The following LHFPL3 variants were observed in gnomAD, a reference collection of about 807,000 sequenced individuals.
LHFPL3 encodes the protein LHFPL tetraspan subfamily member 3 protein.
A neutral mutation model predicts 19.3 loss-of-function variants in LHFPL3; 5 were observed. The observed-to-expected ratio is 0.26, with a 90% CI of 0.14 to 0.54. The LOEUF is 0.54. Ranked by LOEUF, LHFPL3 falls within the 20% of genes least tolerant of loss-of-function variation. LHFPL3 has a pLI of 0.94. For synonymous variants in LHFPL3, 133 were observed against 126.2 expected (o/e 1.05, Z -0.36); for missense variants, 249 against 307.4 (o/e 0.81, Z 1.42).
At chr7:104,457,611 G>A (rs1303608866) in intron 1 of LHFPL3, among the ~76,000 whole-genome samples, 12 of 147,718 alleles carry the variant, frequency 8.1e-5, no homozygotes, top group South Asian at 4.4e-4. Context: ...ATGATTTATA[G>A]TCCTTTGGGT....
chr7:104,481,875 T>A (rs574605492), intron 1 of LHFPL3, among the ~76,000 whole-genome samples: 41 of 152,350 alleles, frequency 2.7e-4, no homozygotes, highest in African/African-American at 9.4e-4. Context: ...AGTAGGTGAC[T>A]GACCTTGCAG....
intron 1 of LHFPL3, among the ~76,000 whole-genome samples, chr7:104,455,994 GC>G (rs1792531855): frequency 6.6e-6 from 1 of 152,106 alleles, no homozygotes; most frequent in Non-Finnish European, 1.5e-5. Flanking sequence ...TCAGCATAGA[GC>G]ACCTGAGTAC....
intron 1 of LHFPL3, among the ~76,000 whole-genome samples, chr7:104,336,158 A>G (rs1349066126): frequency 6.6e-6 from 1 of 152,176 alleles, no homozygotes; most frequent in Non-Finnish European, 1.5e-5. Flanking sequence ...TTTTTATTTG[A>G]TATGAGGAAA....
intron 2 of LHFPL3, among the ~76,000 whole-genome samples, chr7:104,859,835 A>G (rs565559245): frequency 1.3e-5 from 2 of 152,196 alleles, no homozygotes; most frequent in East Asian, 1.9e-4. Flanking sequence ...AATGTGGACT[A>G]TAAACTCTGG....
intron 1 of LHFPL3, among the ~76,000 whole-genome samples, chr7:104,493,123 C>T (rs1793390162): frequency 6.6e-6 from 1 of 152,094 alleles, no homozygotes; most frequent in African/African-American, 2.4e-5. Flanking sequence ...CCTGCAATGC[C>T]CTGGGATCTC....
chr7:104,548,715 A>G (rs141408333), intron 1 of LHFPL3, among the ~76,000 whole-genome samples: 114 of 152,304 alleles, frequency 7.5e-4, no homozygotes, highest in African/African-American at 2.6e-3. Flanking sequence ...AGTGTCAGGA[A>G]TGAGGTACTT....
intron 2 of LHFPL3, among the ~76,000 whole-genome samples, chr7:104,853,161 C>T (rs545987319): frequency 2.0e-5 from 3 of 152,326 alleles, no homozygotes; most frequent in African/African-American, 7.2e-5. Flanking sequence ...TTGCCCACCT[C>T]GATCCAGTTA....
intron 1 of LHFPL3, among the ~76,000 whole-genome samples, chr7:104,637,354 T>G (rs1791747209): frequency 6.6e-6 from 1 of 152,210 alleles, no homozygotes; most frequent in Non-Finnish European, 1.5e-5. Flanking sequence ...TTTGACAGTT[T>G]CTTTTGCCAT....
intron 2 of LHFPL3, among the ~76,000 whole-genome samples, chr7:104,822,714 T>A (rs891934889): frequency 6.6e-6 from 1 of 152,136 alleles, no homozygotes. Context: ...GTAAGCCGCA[T>A]CATCTTGGAA....
At chr7:104,492,545 C>T (rs565568218) in intron 1 of LHFPL3, among the ~76,000 whole-genome samples, 3 of 152,300 alleles carry the variant, frequency 2.0e-5, no homozygotes, top group African/African-American at 4.8e-5. Context: ...TTTTGATGGC[C>T]GTGTTTTGCA....
chr7:104,445,458 A>G (rs6977154), intron 1 of LHFPL3, among the ~76,000 whole-genome samples: 37,331 of 151,992 alleles, frequency 0.25, 5,495 homozygotes, highest in African/African-American at 0.42. Flanking sequence ...TTGTTGTGAA[A>G]ATTAAATGCA....
At chr7:104,847,080 A>G (rs1235034918) in intron 2 of LHFPL3, among the ~76,000 whole-genome samples, 1 of 151,344 alleles carries the variant, frequency 6.6e-6, no homozygotes, top group East Asian at 1.9e-4. Flanking sequence ...AGGAGCACAC[A>G]GCCTGTGCCC....
At chr7:104,739,989 G>T (rs1584507576) in intron 2 of LHFPL3, among the ~76,000 whole-genome samples, 1 of 152,162 alleles carries the variant, frequency 6.6e-6, no homozygotes, top group Non-Finnish European at 1.5e-5. Context: ...TTGGGAAAGG[G>T]ACCTCATGGG....
chr7:104,618,633 T>C (rs1300698282), intron 1 of LHFPL3, among the ~76,000 whole-genome samples: 2 of 151,722 alleles, frequency 1.3e-5, no homozygotes, highest in African/African-American at 4.8e-5. Flanking sequence ...GGTTATGTCA[T>C]AGACCTAGAT....
intron 1 of LHFPL3, among the ~76,000 whole-genome samples, chr7:104,383,217 G>A (rs753569584): frequency 2.6e-5 from 4 of 152,264 alleles, no homozygotes; most frequent in Admixed American, 6.5e-5. Flanking sequence ...GCATGTTTTA[G>A]TATTTGTTCT....
intron 1 of LHFPL3, among the ~76,000 whole-genome samples, chr7:104,661,080 C>T (rs1257921693): frequency 6.6e-6 from 1 of 152,138 alleles, no homozygotes; most frequent in Non-Finnish European, 1.5e-5. Flanking sequence ...ATCCTGTGAG[C>T]ACTGATATCA....
intron 2 of LHFPL3, among the ~76,000 whole-genome samples, chr7:104,822,564 C>T (rs1229773849): frequency 1.2e-4 from 19 of 152,098 alleles, no homozygotes; most frequent in Admixed American, 1.2e-3. Context: ...TGAAACAACC[C>T]AAAATATCTT....
chr7:104,501,841 C>T (rs1303003905), intron 1 of LHFPL3, among the ~76,000 whole-genome samples: 1 of 152,168 alleles, frequency 6.6e-6, no homozygotes, highest in Non-Finnish European at 1.5e-5. Flanking sequence ...TTAGACTCTG[C>T]GATTGAATTA....
chr7:104,412,386 T>C (rs1253460460), intron 1 of LHFPL3, among the ~76,000 whole-genome samples: 3 of 152,072 alleles, frequency 2.0e-5, no homozygotes, highest in Admixed American at 6.6e-5. Context: ...TTCTGTGTGA[T>C]CAGCCCATTA....
Sources: allele counts gnomAD v4.1 joint callset (sites outside exome capture counted in the v4.1 genomes callset), GRCh38; gene constraint gnomAD v4.1.1; transcripts MANE v1.5; gene names NCBI Gene and HGNC (gene_info 2026-07-23, HGNC 2026-07-21).